The following DCAF5 variants were observed in gnomAD, a reference collection of about 807,000 sequenced individuals.
DCAF5 encodes DDB1- and CUL4-associated factor 5.
Under a neutral mutation model 80.7 loss-of-function variants are expected in DCAF5, and 9 were observed. The ratio of observed to expected loss-of-function variants is 0.11; its 90% CI spans 0.07 to 0.19. The LOEUF (loss-of-function observed/expected upper bound fraction) is 0.19. Ranked by LOEUF, DCAF5 falls within the 10% of genes least tolerant of loss-of-function variation. The pLI, the probability that DCAF5 is intolerant of heterozygous loss-of-function variation, is 1.00. For missense variants in DCAF5, 842 were observed against 1,205.7 expected, an observed-to-expected ratio of 0.70 and a Z score of 4.47; for synonymous variants, 433 against 461.9, an observed-to-expected ratio of 0.94 and a Z score of 0.80.
chr14:69,121,385 G>A (rs868616304), intron 2 of DCAF5, among the ~76,000 whole-genome samples: 2 of 152,196 alleles, frequency 1.3e-5, no homozygotes, highest in African/African-American at 4.8e-5. Context: ...CAGACTAGAT[G>A]TGTAAATGTA....
At chr14:69,100,586 A>G (rs963574847) in intron 5 of DCAF5, among the ~76,000 whole-genome samples, 1 of 152,238 alleles carries the variant, frequency 6.6e-6, no homozygotes, top group Non-Finnish European at 1.5e-5. Context: ...AGCATTGGAC[A>G]TAGTCACCAA....
chr14:69,109,096 C>T (rs1457226997), intron 5 of DCAF5, among the ~76,000 whole-genome samples: 1 of 152,082 alleles, frequency 6.6e-6, no homozygotes, highest in Non-Finnish European at 1.5e-5. Flanking sequence ...AATCCCAGCA[C>T]TTTGGGAGGC....
chr14:69,102,741 T>C (rs1445554556), intron 5 of DCAF5, among the ~76,000 whole-genome samples: 1 of 152,090 alleles, frequency 6.6e-6, no homozygotes, highest in Non-Finnish European at 1.5e-5. Flanking sequence ...CTTATGATAA[T>C]GCCTTCTTCT....
At chr14:69,134,356 A>G (rs1244249696) in intron 1 of DCAF5, among the ~76,000 whole-genome samples, 1 of 152,240 alleles carries the variant, frequency 6.6e-6, no homozygotes, top group African/African-American at 2.4e-5. Flanking sequence ...AGTAATGTCA[A>G]GTTTCTTTCA....
At chr14:69,091,176 G>A (rs757276544) in intron 6 of DCAF5, 13 of 718,342 alleles carry the variant, frequency 1.8e-5, no homozygotes, top group South Asian at 1.3e-4. Flanking sequence ...AAAAGAAAAA[G>A]AGTCAGCATC....
intron 1 of DCAF5, among the ~76,000 whole-genome samples, chr14:69,133,745 T>G (rs1566783678): frequency 6.6e-6 from 1 of 152,194 alleles, no homozygotes; most frequent in Non-Finnish European, 1.5e-5. Flanking sequence ...ATGTCTCTAA[T>G]GAGGTAAGTA....
chr14:69,091,389 G>A (rs2139968178), intron 6 of DCAF5, among the ~76,000 whole-genome samples: 1 of 152,072 alleles, frequency 6.6e-6, no homozygotes, highest in Non-Finnish European at 1.5e-5. Flanking sequence ...TTCTGAAATG[G>A]CACATTCTTA....
intron 7 of DCAF5, among the ~76,000 whole-genome samples, chr14:69,074,779 A>G (rs996857673): frequency 1.8e-4 from 28 of 152,322 alleles, no homozygotes; most frequent in African/African-American, 5.1e-4. Context: ...CACACCTGTA[A>G]TGCCAGCACT....
chr14:69,071,310 A>G (rs947199341), intron 7 of DCAF5, among the ~76,000 whole-genome samples: 2 of 150,070 alleles, frequency 1.3e-5, no homozygotes, highest in African/African-American at 5.0e-5. Flanking sequence ...TTTGTATAGC[A>G]AAAAAAACAA....
rs777679413 is a variant in DCAF5 at position 69,152,937 on chromosome 14, C to A, written c.42G>T (p.Val14=). ...RAGLGGSMRS[V]VGFLSQRGLH... is the part of the protein sequence containing the mutation. ...AGCCCCGCTGGGACAAGAAGCCCAC[C>A]ACTGACCTCATGCTGCCCCCCAGGC... The change falls in exon 1 of 9, where the codon GTG becomes GTT. Residue 14 remains valine, a synonymous_variant. Transcript: ENST00000341516. The surrounding 1 kb of genome is among the most constrained non-coding windows in gnomAD (Gnocchi z 4.1). 1.2e-6 allele frequency: 2 copies of A among 1,613,298 alleles called. No homozygotes were observed. The highest frequency in any genetic ancestry group is 2.2e-5 in the South Asian group (2 of 91,040).
At chr14:69,134,152 G>C (rs1310336113) in intron 1 of DCAF5, among the ~76,000 whole-genome samples, 1 of 152,174 alleles carries the variant, frequency 6.6e-6, no homozygotes, top group Non-Finnish European at 1.5e-5. Flanking sequence ...CTGTCCAAGA[G>C]CACACTGCCA....
At chr14:69,082,358 T>C (rs2039138620) in intron 6 of DCAF5, among the ~76,000 whole-genome samples, 2 of 152,252 alleles carry the variant, frequency 1.3e-5, no homozygotes, top group African/African-American at 2.4e-5. Context: ...TGAAGTTACA[T>C]TATTCTTGCT....
chr14:69,130,275 A>G (rs1252952490), intron 1 of DCAF5, among the ~76,000 whole-genome samples: 8 of 152,260 alleles, frequency 5.3e-5, no homozygotes, highest in African/African-American at 1.9e-4. Context: ...AAAGAAGAAT[A>G]ATTTAAATGT....
chr14:69,064,035 A>C (rs1594934465), intron 7 of DCAF5, among the ~76,000 whole-genome samples: 3 of 152,200 alleles, frequency 2.0e-5, no homozygotes, highest in Admixed American at 2.0e-4. Flanking sequence ...TCATGGAGAA[A>C]GAGGACAAGG....
At chr14:69,062,906 C>T (rs149649190) in intron 7 of DCAF5, among the ~76,000 whole-genome samples, 137 of 152,224 alleles carry the variant, frequency 9.0e-4, no homozygotes, top group African/African-American at 2.9e-3. Flanking sequence ...ACCAAGGACA[C>T]GCAGAACCAG....
chr14:69,136,493 C>A (rs1260417220), intron 1 of DCAF5, among the ~76,000 whole-genome samples: 4 of 152,062 alleles, frequency 2.6e-5, no homozygotes, highest in African/African-American at 9.7e-5. Flanking sequence ...ATGACAGATA[C>A]ACACAGATTT....
chr14:69,105,239 A>G, intron 5 of DCAF5, among the ~76,000 whole-genome samples: 1 of 152,170 alleles, frequency 6.6e-6, no homozygotes, highest in East Asian at 1.9e-4. Flanking sequence ...GACAATCCAA[A>G]CGGCTATCAT....
rs144249744 is a variant in DCAF5 at position 69,074,844 on chromosome 14, G to C, written c.946+501C>G. 8.7e-3 allele frequency among the ~76,000 whole-genome samples: 1,327 copies of C among 152,196 alleles called. 21 individuals carry two copies. Among genetic ancestry groups the C allele is most frequent in the African/African-American group, 0.031 (1,268 of 41,500 alleles). ...AGATCAGGAATTTGAGACCAGGCTG[G>C]CCAACATGGTGAAACCCTGTTTCTA... On this transcript the variant is annotated intron_variant, in intron 7 of 8. Transcript: ENST00000341516.
intron 6 of DCAF5, among the ~76,000 whole-genome samples, chr14:69,076,013 CTAGT>C (rs1184166457): frequency 6.6e-6 from 1 of 151,586 alleles, no homozygotes. Flanking sequence ...ATACAAATGG[CTAGT>C]AAGTATAGGA....
Sources: gnomAD v4.1 joint callset for allele counts (sites outside exome capture counted in the v4.1 genomes callset) on GRCh38, gnomAD v4.1.1 for gene constraint, Gnocchi (gnomAD v3.1) non-coding constraint, MANE v1.5 for transcripts, NCBI Gene and HGNC (gene_info 2026-07-23, HGNC 2026-07-21) for gene names.